Variants in EYS observed in about 807,000 individuals in gnomAD.
EYS encodes the protein EGF-like photoreceptor maintenance factor.
EYS carries 250 observed loss-of-function variants against 282.1 expected under a neutral mutation model. That is an observed-to-expected ratio of 0.89 (90% CI 0.80 to 0.98). The LOEUF (loss-of-function observed/expected upper bound fraction) is 0.98, where lower values mean the gene tolerates loss of function less well. Among genes scored for constraint, EYS ranks in the 50% least tolerant of loss-of-function variants. EYS has a pLI of 0.00. For synonymous variants in EYS, 1,355 were observed against 1,282.9 expected, an observed-to-expected ratio of 1.06 and a Z score of -1.20; for missense variants, 4,016 against 3,709.0, an observed-to-expected ratio of 1.08 and a Z score of -2.15.
chr6:65,159,184 T>C (rs1326604007), intron 12 of EYS, among the ~76,000 whole-genome samples: 1 of 150,876 alleles, frequency 6.6e-6, no homozygotes, highest in Non-Finnish European at 1.5e-5. Flanking sequence ...TTGGAAGAAC[T>C]CTACATCTGG....
chr6:64,670,077 A>C lies in EYS; in HGVS notation c.3444-43832T>G, dbSNP rs141796188. ...GGAGCCACCCTTTTGAAATATAATC[A>C]CCATAGAGATAATGCCCTGATCTCC... On this transcript the variant is annotated intron_variant, in intron 22 of 42. Coordinates refer to ENST00000503581, the MANE Select transcript of EYS (RefSeq NM_001142800.2). 5.0e-3 allele frequency among the ~76,000 whole-genome samples: 759 copies of C among 152,142 alleles called. 7 individuals are homozygous for C. Among genetic ancestry groups the C allele is most frequent in the African/African-American group, 0.017 (717 of 41,496 alleles).
rs565214088 is a variant in EYS, at chr6:64,739,002, T to A, written c.3443+74376A>T. 5.9e-5 allele frequency among the ~76,000 whole-genome samples: 9 copies of A among 152,248 alleles called. No homozygotes were observed. In the East Asian group the frequency reaches 1.2e-3, roughly 20 times the overall value. On this transcript the variant is annotated intron_variant, in intron 22 of 42. Transcript: ENST00000503581. ...ACCTTAGGTGGTCAGCCCGCTTCAG[T>A]CTCCCAAAGTGCTGGGATTACAGGC...
chr6:64,993,616 A>G (rs1045870001), intron 14 of EYS, among the ~76,000 whole-genome samples: 16 of 149,504 alleles, frequency 1.1e-4, no homozygotes, highest in Non-Finnish European at 2.1e-4. Flanking sequence ...TAGGAGATAT[A>G]CCTAATGTTA....
intron 35 of EYS, among the ~76,000 whole-genome samples, chr6:63,966,857 TG>T (rs1766335138): frequency 6.6e-6 from 1 of 152,226 alleles, no homozygotes; most frequent in Non-Finnish European, 1.5e-5. Context: ...GGGGTTTATC[TG>T]GCAATAATAC....
intron 2 of EYS, among the ~76,000 whole-genome samples, chr6:65,577,577 GATTAC>G (rs1301596438): frequency 6.6e-6 from 1 of 151,670 alleles, no homozygotes; most frequent in Non-Finnish European, 1.5e-5. Flanking sequence ...AGACAAAGTT[GATTAC>G]ATTAAACTAA....
At chr6:64,019,623 C>A (rs552439329) in intron 33 of EYS, among the ~76,000 whole-genome samples, 1 of 151,776 alleles carries the variant, frequency 6.6e-6, no homozygotes, top group East Asian at 1.9e-4. Context: ...ATTGGCCAGG[C>A]TGGTCTCGAA....
chr6:65,414,573 A>G (rs1013623705), intron 5 of EYS, among the ~76,000 whole-genome samples: 2 of 152,060 alleles, frequency 1.3e-5, no homozygotes, highest in African/African-American at 4.8e-5. Flanking sequence ...GAAAAGGAAG[A>G]TTTAATCTTT....
chr6:64,804,643 T>C (rs533729907), intron 22 of EYS, among the ~76,000 whole-genome samples: 1 of 152,282 alleles, frequency 6.6e-6, no homozygotes, highest in South Asian at 2.1e-4. Flanking sequence ...TGCGCCTCTT[T>C]GGCTTTTGGA....
At position 63,869,531 on chromosome 6, in the gene EYS, T is replaced by C. The variant is rs981329131; in HGVS notation, c.7056-5173A>G. On this transcript the variant is annotated intron_variant, in intron 35 of 42. Transcript: ENST00000503581. ...TGGCCTTGTGACCCTCTAGTTCTTA[T>C]GAAATGAAATTAAAGTTTTGCTTCC... Among the ~76,000 whole-genome samples, 6 of 152,180 alleles carry C rather than the reference T, an allele frequency of 3.9e-5. 1 individual carries two copies. The highest frequency in any genetic ancestry group is 3.3e-4 in the Admixed American group (5 of 15,268).
chr6:65,349,441 A>T (rs1247296200), intron 9 of EYS, among the ~76,000 whole-genome samples: 1 of 151,554 alleles, frequency 6.6e-6, no homozygotes, highest in Non-Finnish European at 1.5e-5. Flanking sequence ...AATAATATGA[A>T]GAGTTGAAAT....
At chr6:65,152,034 A>C (rs977828495) in intron 12 of EYS, among the ~76,000 whole-genome samples, 7 of 151,944 alleles carry the variant, frequency 4.6e-5, no homozygotes, top group African/African-American at 1.4e-4. Flanking sequence ...AAATTATATA[A>C]GATACTTGTA....
chr6:65,084,607 G>A (rs2150173489), intron 12 of EYS, among the ~76,000 whole-genome samples: 1 of 152,128 alleles, frequency 6.6e-6, no homozygotes, highest in Non-Finnish European at 1.5e-5. Context: ...CTAAGTGTCA[G>A]AGACAAGGAA....
At chr6:65,247,380 G>T (rs931810416) in intron 12 of EYS, among the ~76,000 whole-genome samples, 3 of 151,904 alleles carry the variant, frequency 2.0e-5, no homozygotes, top group African/African-American at 7.2e-5. Context: ...TATCAGATAG[G>T]ACCCATTCCT....
chr6:65,638,197 T>A (rs1767156649), intron 2 of EYS, among the ~76,000 whole-genome samples: 1 of 152,144 alleles, frequency 6.6e-6, no homozygotes, highest in Non-Finnish European at 1.5e-5. Flanking sequence ...TCAGGTCTCC[T>A]GGAGTGATAA....
intron 12 of EYS, among the ~76,000 whole-genome samples, chr6:65,094,077 A>C (rs1774653146): frequency 6.6e-6 from 1 of 151,728 alleles, no homozygotes; most frequent in Non-Finnish European, 1.5e-5. Flanking sequence ...ACATGTTTGA[A>C]AACATCATAT....
At chr6:65,624,694 T>C (rs188385675) in intron 2 of EYS, among the ~76,000 whole-genome samples, 50 of 152,296 alleles carry the variant, frequency 3.3e-4, no homozygotes, top group Admixed American at 1.7e-3. Flanking sequence ...CCGCTGAGTC[T>C]TCCTGCCTTC....
At chr6:65,133,332 A>C (rs1387000265) in intron 12 of EYS, among the ~76,000 whole-genome samples, 1 of 151,856 alleles carries the variant, frequency 6.6e-6, no homozygotes, top group Non-Finnish European at 1.5e-5. Flanking sequence ...AAACAACAAC[A>C]AAAAAACAAA....
chr6:65,434,465 C>G (rs866071265), intron 5 of EYS, among the ~76,000 whole-genome samples: 1 of 152,020 alleles, frequency 6.6e-6, no homozygotes, highest in South Asian at 2.1e-4. Context: ...GGACTACAGG[C>G]GCCCGCCACC....
chr6:65,441,454 T>C (rs2150392632), intron 5 of EYS, among the ~76,000 whole-genome samples: 1 of 152,148 alleles, frequency 6.6e-6, no homozygotes, highest in Middle Eastern at 3.4e-3. Context: ...ATTTTAGAAA[T>C]CATGACTCCT....
Sources: gnomAD v4.1 joint callset for allele counts (sites outside exome capture counted in the v4.1 genomes callset) on GRCh38, gnomAD v4.1.1 for gene constraint, MANE v1.5 for transcripts, NCBI Gene and HGNC (gene_info 2026-07-23, HGNC 2026-07-21) for gene names.